GALNT13: variants seen among roughly 807,000 people sequenced by gnomAD.
GALNT13 encodes the protein polypeptide N-acetylgalactosaminyltransferase 13.
Under a neutral mutation model 64.2 loss-of-function variants are expected in GALNT13, and 28 were observed. The observed-to-expected ratio is 0.44, with a 90% CI of 0.32 to 0.60. The LOEUF (loss-of-function observed/expected upper bound fraction) is 0.60, where lower values mean the gene tolerates loss of function less well. GALNT13 is among the 20% of genes least tolerant of loss of function. The probability of loss-of-function intolerance (pLI) is 0.05; values close to 1 mark genes in which losing one functional copy is unlikely to be tolerated. For missense variants in GALNT13, 577 were observed against 669.8 expected, an observed-to-expected ratio of 0.86 and a Z score of 1.53; for synonymous variants, 214 against 224.6, an observed-to-expected ratio of 0.95 and a Z score of 0.42.
intron 4 of GALNT13, among the ~76,000 whole-genome samples, chr2:154,143,760 C>A (rs1683401509): frequency 6.8e-6 from 1 of 146,722 alleles, no homozygotes. Flanking sequence ...ACTCAGGAGG[C>A]TGAGGCAGGA....
chr2:153,550,179 T>C, the GALNT13 span, among the ~76,000 whole-genome samples: 3 of 152,216 alleles, frequency 2.0e-5, 1 homozygote, highest in African/African-American at 7.2e-5. Flanking sequence ...ATTATCTGTG[T>C]TATTTCCATA....
the GALNT13 span, among the ~76,000 whole-genome samples, chr2:153,479,762 T>C: frequency 1.3e-5 from 2 of 152,220 alleles, no homozygotes; most frequent in African/African-American, 2.4e-5. Flanking sequence ...TCATTTAAAC[T>C]AAACACAGAT....
chr2:154,315,727 C>T (rs1180228001), intron 9 of GALNT13, among the ~76,000 whole-genome samples: 1 of 152,182 alleles, frequency 6.6e-6, no homozygotes, highest in Non-Finnish European at 1.5e-5. Context: ...ATTGATTTAA[C>T]TGGAGTTTCA....
At chr2:153,657,588 C>CT in the GALNT13 span, among the ~76,000 whole-genome samples, 1 of 152,044 alleles carries the variant, frequency 6.6e-6, no homozygotes, top group East Asian at 1.9e-4. Context: ...GAAGCAATGC[C>CT]TGAGGGTATA....
the GALNT13 span, among the ~76,000 whole-genome samples, chr2:153,537,544 C>T: frequency 6.6e-6 from 1 of 152,108 alleles, no homozygotes; most frequent in African/African-American, 2.4e-5. Flanking sequence ...CAAATTAAGG[C>T]CTCTGAAGCA....
the GALNT13 span, among the ~76,000 whole-genome samples, chr2:153,857,423 CA>C: frequency 2.7e-5 from 4 of 150,830 alleles, no homozygotes; most frequent in East Asian, 1.9e-4. Context: ...ACTGTAATTT[CA>C]AAAAAAAATC....
the GALNT13 span, among the ~76,000 whole-genome samples, chr2:153,234,654 TC>T: frequency 6.6e-6 from 1 of 152,172 alleles, no homozygotes; most frequent in African/African-American, 2.4e-5. Context: ...TATTTTTTCA[TC>T]TGTCTGCCTC....
the GALNT13 span, among the ~76,000 whole-genome samples, chr2:153,532,682 A>G: frequency 3.2e-4 from 49 of 152,198 alleles, no homozygotes; most frequent in Non-Finnish European, 5.7e-4. Flanking sequence ...CCTTGCTTAC[A>G]CATGTGAGCA....
intron 9 of GALNT13, among the ~76,000 whole-genome samples, chr2:154,313,204 T>A (rs1694139196): frequency 1.3e-5 from 2 of 150,044 alleles, no homozygotes; most frequent in Admixed American, 1.3e-4. Flanking sequence ...TGTACACATA[T>A]GTGTATACAT....
In GALNT13 at chr2:154,245,855, A is replaced by G. The variant is rs779069757; in HGVS notation, c.730A>G (p.Thr244Ala). 1.9e-6 allele frequency: 3 copies of G among 1,612,848 alleles called. No homozygotes were observed. The South Asian group carries it at 3.3e-5, about 18-fold the overall frequency. ...TATCATTGATGTGATTAGTGATGATACTTTTGAATATATGGCTGGGTCAGA... is the reference window on the plus strand; with the variant it reads ...TATCATTGATGTGATTAGTGATGATGCTTTTGAATATATGGCTGGGTCAGA... ...CPIIDVISDD[T>A]FEYMAGSDMT... The change falls in exon 7 of 13, where the codon ACT becomes GCT. Residue 244 changes from threonine (T) to alanine (A), a missense_variant. Physicochemically the swap from Thr to Ala is moderately conservative, Grantham distance 58. Around this residue, in one of 3 missense-constraint regions of GALNT13, gnomAD observed 341 missense variants for 379.3 expected, o/e 0.90. Coordinates refer to ENST00000392825, the MANE Select transcript of GALNT13 (RefSeq NM_052917.4).
the GALNT13 span, among the ~76,000 whole-genome samples, chr2:153,386,846 A>G: frequency 2.3e-4 from 35 of 152,234 alleles, no homozygotes; most frequent in African/African-American, 7.5e-4. Context: ...GACTTTGCCT[A>G]TAACCACAAA....
intron 4 of GALNT13, among the ~76,000 whole-genome samples, chr2:154,174,434 A>T (rs138968886): frequency 1.2e-4 from 18 of 152,306 alleles, no homozygotes; most frequent in African/African-American, 4.1e-4. Flanking sequence ...TGTACAGGGT[A>T]ATATTAAATT....
intron 3 of GALNT13, among the ~76,000 whole-genome samples, chr2:153,988,674 T>C (rs1694968382): frequency 6.6e-6 from 1 of 151,972 alleles, no homozygotes; most frequent in South Asian, 2.1e-4. Flanking sequence ...TATACAGTTG[T>C]CAGAAGCAAG....
the GALNT13 span, among the ~76,000 whole-genome samples, chr2:153,528,053 C>T: frequency 6.6e-6 from 1 of 151,668 alleles, no homozygotes. Context: ...AAACCAATAA[C>T]AAGTGGCAAT....
the GALNT13 span, among the ~76,000 whole-genome samples, chr2:153,093,235 TC>T: frequency 1.2e-4 from 12 of 102,940 alleles, 1 homozygote; most frequent in South Asian, 3.3e-3. Flanking sequence ...TTTTTTCTTT[TC>T]TTTTCTTTTT....
chr2:153,921,623 A>G (rs1389254498), intron 2 of GALNT13, among the ~76,000 whole-genome samples: 1 of 152,152 alleles, frequency 6.6e-6, no homozygotes, highest in Non-Finnish European at 1.5e-5. Context: ...CACAGAAGTT[A>G]TAATAATAAT....
At chr2:154,181,567 A>T (rs1489048594) in intron 4 of GALNT13, among the ~76,000 whole-genome samples, 1 of 152,120 alleles carries the variant, frequency 6.6e-6, no homozygotes, top group East Asian at 1.9e-4. Flanking sequence ...AACAAGTTTG[A>T]TAAATTTTTA....
At chr2:153,537,438 G>T in the GALNT13 span, among the ~76,000 whole-genome samples, 1 of 152,152 alleles carries the variant, frequency 6.6e-6, no homozygotes, top group Non-Finnish European at 1.5e-5. Flanking sequence ...TTGTGAGGGA[G>T]GAGTGCATCC....
the GALNT13 span, among the ~76,000 whole-genome samples, chr2:153,508,670 C>T: frequency 6.6e-6 from 1 of 152,308 alleles, no homozygotes; most frequent in South Asian, 2.1e-4. Flanking sequence ...CAAGTTGACT[C>T]ACGGTTTTTT....
Sources: gnomAD v4.1 joint callset for allele counts (sites outside exome capture counted in the v4.1 genomes callset) on GRCh38, gnomAD v4.1.1 for gene constraint, gnomAD v4.1.1 regional missense constraint, MANE v1.5 for transcripts, NCBI Gene and HGNC (gene_info 2026-07-23, HGNC 2026-07-21) for gene names.